The following AGAP1 variants were observed in gnomAD, a reference collection of about 807,000 sequenced individuals.
AGAP1 encodes the protein ArfGAP with GTPase domain, ankyrin repeat and PH domain 1, also known as arf-GAP with GTPase, ANK repeat and PH domain-containing protein 1.
In AGAP1, 29 loss-of-function variants were observed where a neutral mutation model predicts 105.3. The observed-to-expected ratio is 0.28, with a 90% confidence interval of 0.21 to 0.38. The LOEUF (loss-of-function observed/expected upper bound fraction) is 0.38, where lower values mean the gene tolerates loss of function less well. Among genes scored for constraint, AGAP1 ranks in the 10% least tolerant of loss-of-function variants. The pLI is 1.00. For synonymous variants in AGAP1, 509 were observed against 485.9 expected, an observed-to-expected ratio of 1.05 and a Z score of -0.63; for missense variants, 998 against 1,165.1, an observed-to-expected ratio of 0.86 and a Z score of 2.09.
rs1947110301 is a variant in AGAP1 at position 235,639,179 on chromosome 2, A to C, written c.164-70000A>C. Among the ~76,000 whole-genome samples, 1 of 152,128 alleles carries C rather than the reference A, an allele frequency of 6.6e-6. No individual in the cohort carries two copies. The highest frequency in any genetic ancestry group is 1.5e-5 in the Non-Finnish European group (1 of 68,022). ...AATTGGACGGATGATAGTGGCCCAC[A>C]GGTTGAGAGAGGGGATGGGTTCAGC... On this transcript the variant is annotated intron_variant, in intron 1 of 17. Transcript: ENST00000304032. The surrounding 1 kb of genome is among the most constrained non-coding windows in gnomAD (Gnocchi z 5.3).
chr2:236,116,030 C>T (rs1276360472), intron 16 of AGAP1, among the ~76,000 whole-genome samples: 1 of 152,132 alleles, frequency 6.6e-6, no homozygotes, highest in African/African-American at 2.4e-5. Context: ...GTCTCAAACT[C>T]CAGACCTCAG....
Position 235,729,970 on chromosome 2 carries a change from T to C in AGAP1, c.311-10993T>C, listed in dbSNP as rs575709452. On this transcript the variant is annotated intron_variant, in intron 3 of 17. Coordinates refer to ENST00000304032, the MANE Select transcript of AGAP1 (RefSeq NM_001037131.3). The surrounding 1 kb of genome is among the most constrained non-coding windows in gnomAD (Gnocchi z 5.0). ...TTCGCCAGCCCCCTACCCTACAGTA[T>C]GGAAAAAAGGCATAGAACAGTCAAA... 1.5e-3 allele frequency among the ~76,000 whole-genome samples: 225 copies of C among 152,148 alleles called. 3 individuals carry two copies. Among genetic ancestry groups the C allele is most frequent in the African/African-American group, 4.8e-3 (198 of 41,464 alleles).
At chr2:235,738,094 A>C (rs1373391329) in intron 3 of AGAP1, among the ~76,000 whole-genome samples, 2 of 151,998 alleles carry the variant, frequency 1.3e-5, no homozygotes, top group African/African-American at 4.8e-5. Flanking sequence ...GCTGTGATAT[A>C]TGTTAGGGGA....
intron 16 of AGAP1, among the ~76,000 whole-genome samples, chr2:236,099,434 G>A (rs1025337764): frequency 2.7e-4 from 40 of 150,888 alleles, no homozygotes; most frequent in Admixed American, 1.1e-3. Context: ...CAGCCTGGGC[G>A]ACAGAGCGAG....
chr2:235,846,520 G>A (rs1027170882), intron 9 of AGAP1, among the ~76,000 whole-genome samples: 5 of 151,264 alleles, frequency 3.3e-5, no homozygotes, highest in Admixed American at 6.6e-5. Flanking sequence ...TAGTAGAGAC[G>A]GGGTTTTACC....
intron 1 of AGAP1, among the ~76,000 whole-genome samples, chr2:235,498,798 TC>T (rs1941437003): frequency 6.6e-6 from 1 of 152,076 alleles, no homozygotes; most frequent in Non-Finnish European, 1.5e-5. Flanking sequence ...CCCACAAGCC[TC>T]CATCCCCACC....
rs143332297 is a variant in AGAP1 at position 235,950,820 on chromosome 2, C to T, written c.1484-17642C>T. Among the ~76,000 whole-genome samples the T allele has an allele frequency of 2.4e-4, 36 of 149,384 alleles. No individual in the cohort carries two copies. The East Asian group carries it at 7.0e-3, about 29-fold the overall frequency. On this transcript the variant is annotated intron_variant, in intron 12 of 17. Coordinates refer to ENST00000304032, the MANE Select transcript of AGAP1 (RefSeq NM_001037131.3). The stretch of plus-strand genomic sequence containing the variant: ...ACAGTATGTGACTGAACTGTATTAA[C>T]GAAATTTTAGCTTGATAAAGGAAAT...
At position 236,050,552 on chromosome 2, in the gene AGAP1, G is replaced by A. The variant is rs2057866974; in HGVS notation, c.2114+1271G>A. 6.6e-6 allele frequency among the ~76,000 whole-genome samples: 1 copy of A among 151,992 alleles called. No individual in the cohort carries two copies. The highest frequency in any genetic ancestry group is 2.4e-5 in the African/African-American group (1 of 41,376). ...TTAATGCTACCATAGAAATCAGCTG[G>A]GTCATCAACTGTGAACAAGCTTAAA... is the stretch of plus-strand genomic sequence containing the variant. On this transcript the variant is annotated intron_variant, in intron 16 of 17. Coordinates refer to ENST00000304032, the MANE Select transcript of AGAP1 (RefSeq NM_001037131.3). This position sits in a 1 kb window ranked among gnomAD's most constrained non-coding sequence, Gnocchi z 4.0.
In AGAP1 at chr2:235,633,631, G is replaced by A. The variant is rs1020314378; in HGVS notation, c.164-75548G>A. Reference sequence around the variant, plus strand: ...GCTTGAGTGAATTGTCATAGATGGAGTGGGGAGACCTACAAGGCCTGTCTG... The same window carrying A: ...GCTTGAGTGAATTGTCATAGATGGAATGGGGAGACCTACAAGGCCTGTCTG... On this transcript the variant is annotated intron_variant, in intron 1 of 17. Transcript: ENST00000304032. The surrounding 1 kb of genome is among the most constrained non-coding windows in gnomAD (Gnocchi z 4.8). 8.5e-5 allele frequency among the ~76,000 whole-genome samples: 13 copies of A among 152,126 alleles called. No homozygotes were observed. Among genetic ancestry groups the A allele is most frequent in the Admixed American group, 6.5e-4 (10 of 15,282 alleles).
At chr2:235,604,440 C>G (rs1945846399) in intron 1 of AGAP1, among the ~76,000 whole-genome samples, 1 of 150,996 alleles carries the variant, frequency 6.6e-6, no homozygotes, top group South Asian at 2.1e-4. Context: ...CACGATTGTG[C>G]CAGTGCACTT....
rs1343474803 is a variant in AGAP1 at position 235,753,563 on chromosome 2, G to A, written c.673+3075G>A. Among the ~76,000 whole-genome samples the A allele has an allele frequency of 2.0e-5, 3 of 152,094 alleles. No individual in the cohort carries two copies. The highest frequency in any genetic ancestry group is 1.9e-4 in the East Asian group (1 of 5,136). On this transcript the variant is annotated intron_variant, in intron 6 of 17. Transcript: ENST00000304032. This position sits in a 1 kb window ranked among gnomAD's most constrained non-coding sequence, Gnocchi z 4.5. Reference sequence around the variant, plus strand: ...CTACTAAAATTGCAAAAAATTAGCCGGGCATGGTGGCAGGCACCTGTAATC... The same window carrying A: ...CTACTAAAATTGCAAAAAATTAGCCAGGCATGGTGGCAGGCACCTGTAATC...
chr2:235,955,502 AAC>A, intron 12 of AGAP1, among the ~76,000 whole-genome samples: 1 of 152,316 alleles, frequency 6.6e-6, no homozygotes, highest in Non-Finnish European at 1.5e-5. Flanking sequence ...AATTACTGAA[AAC>A]ACACAGAAGT....
chr2:235,926,731 C>T lies in AGAP1; in HGVS notation c.1325-4034C>T, dbSNP rs149555451. ...TGCTTATGGAATGAGCCTCCTCCTC[C>T]GCATATTTTTGGAAGGTCCTGACCA... On this transcript the variant is annotated intron_variant, in intron 11 of 17. Transcript: ENST00000304032. Among the ~76,000 whole-genome samples, 28 of 152,260 alleles carry T rather than the reference C, an allele frequency of 1.8e-4. 1 individual carries two copies. In the South Asian group the frequency reaches 3.7e-3, roughly 20 times the overall value.
At chr2:235,661,916 C>T (rs1947970773) in intron 1 of AGAP1, among the ~76,000 whole-genome samples, 1 of 152,218 alleles carries the variant, frequency 6.6e-6, no homozygotes. Flanking sequence ...GCATGACAGT[C>T]AGCTTCCCTA....
chr2:235,733,222 C>T lies in AGAP1; in HGVS notation c.311-7741C>T, dbSNP rs141890050. On this transcript the variant is annotated intron_variant, in intron 3 of 17. Coordinates refer to ENST00000304032, the MANE Select transcript of AGAP1 (RefSeq NM_001037131.3). This position sits in a 1 kb window ranked among gnomAD's most constrained non-coding sequence, Gnocchi z 5.0. ...CACTTCTCCCGCTCACCAGGCAACA[C>T]GGGCATCTTCTTTGCCTCCGGAGAG... Among the ~76,000 whole-genome samples, 13 of 152,318 alleles carry T rather than the reference C, an allele frequency of 8.5e-5. 1 individual carries two copies. The highest frequency in any genetic ancestry group is 4.1e-4 in the South Asian group (2 of 4,826).
At position 235,642,246 on chromosome 2, in the gene AGAP1, G is replaced by T. The variant is rs769549010; in HGVS notation, c.164-66933G>T. Among the ~76,000 whole-genome samples, 2 of 152,150 alleles carry T rather than the reference G, an allele frequency of 1.3e-5. No homozygotes were observed. Among genetic ancestry groups the T allele is most frequent in the African/African-American group, 4.8e-5 (2 of 41,442 alleles). ...GCAATGGGATCTCTTTCCTGAGTGC[G>T]CATTTCTTTCCTCACATTTGGGGGC... On this transcript the variant is annotated intron_variant, in intron 1 of 17. Transcript: ENST00000304032. The surrounding 1 kb of genome is among the most constrained non-coding windows in gnomAD (Gnocchi z 4.1).
At chr2:235,755,633 T>C (rs1449761021) in intron 6 of AGAP1, among the ~76,000 whole-genome samples, 2 of 152,172 alleles carry the variant, frequency 1.3e-5, no homozygotes, top group African/African-American at 4.8e-5. Context: ...TAGAGACTGG[T>C]TTTTGCCATG....
rs1009505035 is a variant in AGAP1, at chr2:235,961,426, C to A, written c.1484-7036C>A. 3.3e-5 allele frequency among the ~76,000 whole-genome samples: 5 copies of A among 152,218 alleles called. No homozygotes were observed. The highest frequency in any genetic ancestry group is 1.3e-4 in the Admixed American group (2 of 15,286). On this transcript the variant is annotated intron_variant, in intron 12 of 17. Coordinates refer to ENST00000304032, the MANE Select transcript of AGAP1 (RefSeq NM_001037131.3). This position sits in a 1 kb window ranked among gnomAD's most constrained non-coding sequence, Gnocchi z 5.9. ...CTTTGAGCCTTGTCCACTGATGCAG[C>A]ACCTGCAGGGTGCCGCCGGCCCCAG...
At chr2:235,781,938 A>G (rs115577349) in intron 6 of AGAP1, among the ~76,000 whole-genome samples, 3,117 of 152,286 alleles carry the variant, frequency 0.02, 98 homozygotes, top group African/African-American at 0.071. Context: ...TTCATGCATC[A>G]TGGGAGCTGT....
Sources: allele counts gnomAD v4.1 joint callset (sites outside exome capture counted in the v4.1 genomes callset), GRCh38; gene constraint gnomAD v4.1.1; non-coding constraint Gnocchi (gnomAD v3.1); transcripts MANE v1.5; gene names NCBI Gene and HGNC (gene_info 2026-07-23, HGNC 2026-07-21).